UBR4: variants seen among roughly 807,000 people sequenced by gnomAD.
UBR4 encodes ubiquitin protein ligase E3 component n-recognin 4.
UBR4 carries 124 observed loss-of-function variants against 575.6 expected under a neutral mutation model. The ratio of observed to expected loss-of-function variants is 0.22; its 90% CI spans 0.19 to 0.25. The LOEUF (loss-of-function observed/expected upper bound fraction) is 0.25, where lower values mean the gene tolerates loss of function less well. UBR4 is among the 10% of genes least tolerant of loss of function. The probability of loss-of-function intolerance (pLI) is 1.00; values close to 1 mark genes in which losing one functional copy is unlikely to be tolerated. For synonymous variants in UBR4, 2,455 were observed against 2,473.7 expected (o/e 0.99, Z 0.22); for missense variants, 4,818 against 6,478.8 (o/e 0.74, Z 8.80).
chr1:19,182,770 C>A, intron 17 of UBR4, among the ~76,000 whole-genome samples: 1 of 152,056 alleles, frequency 6.6e-6, no homozygotes, highest in Non-Finnish European at 1.5e-5. Flanking sequence ...ATAGATGAAT[C>A]TTGGCAATAC....
At chr1:19,136,171 C>T (rs538988176) in intron 60 of UBR4, among the ~76,000 whole-genome samples, 3 of 152,174 alleles carry the variant, frequency 2.0e-5, no homozygotes, top group Non-Finnish European at 1.5e-5. Context: ...ATCAGAAAAC[C>T]TCCCTAAAGG....
rs749393083 is a variant in UBR4, at chr1:19,197,835, T to C, written c.752-24A>G. The C allele has an allele frequency of 2.5e-6, 4 of 1,613,474 alleles. No individual in the cohort carries two copies. In the African/African-American group the frequency reaches 5.3e-5, roughly 22 times the overall value. On this transcript the variant is annotated intron_variant, in intron 6 of 105. Transcript: ENST00000375254. ...ACCTAAATGAATGAAAACCACAACC[T>C]TACAAACAGGCCTTTGTCTGATGCT...
At chr1:19,155,310 A>G in intron 43 of UBR4, 131 bp downstream of exon 43, 1 of 1,116,750 alleles carries the variant, frequency 9.0e-7, no homozygotes, top group Non-Finnish European at 1.3e-6. Flanking sequence ...GGAAAAACAA[A>G]GAAAAAGAAA....
At chr1:19,147,706 C>T (rs982170188) in intron 51 of UBR4, among the ~76,000 whole-genome samples, 4 of 151,480 alleles carry the variant, frequency 2.6e-5, no homozygotes, top group Non-Finnish European at 5.9e-5. Flanking sequence ...CCTTTTCCAG[C>T]GAGAAGGCTA....
chr1:19,083,193 T>C (rs1232650079), intron 102 of UBR4, among the ~76,000 whole-genome samples: 1 of 152,116 alleles, frequency 6.6e-6, no homozygotes, highest in Non-Finnish European at 1.5e-5. Flanking sequence ...GCGCCATCAG[T>C]GCTGCCAGGT....
Position 19,076,886 on chromosome 1 carries a change from T to A in UBR4, c.15341A>T (p.Asn5114Ile). 1 of 1,576,598 alleles carries A rather than the reference T, an allele frequency of 6.3e-7. No homozygotes were observed. The highest frequency in any genetic ancestry group is 8.6e-7 in the Non-Finnish European group (1 of 1,163,436). ...YNMFKKVPTS[N>I]TEGGWSCSLA... ...AGAGCAGGACCAGCCTCCCTCTGTG[T>A]TACTGGTAGGCACCTTCTACGAGAA... The change falls in exon 105 of 106, where the codon AAC becomes ATC. Residue 5114 changes from asparagine (N) to isoleucine (I), a missense_variant. Physicochemically the swap from Asn to Ile is moderately radical, Grantham distance 149. Around this residue, in one of 29 missense-constraint regions of UBR4, gnomAD observed 212 missense variants for 221.3 expected, o/e 0.96. Coordinates refer to ENST00000375254, the MANE Select transcript of UBR4 (RefSeq NM_020765.3).
chr1:19,143,471 G>C (rs1323810611), intron 55 of UBR4, among the ~76,000 whole-genome samples: 1 of 152,126 alleles, frequency 6.6e-6, no homozygotes, highest in Non-Finnish European at 1.5e-5. Context: ...TGTGTATTGT[G>C]TATTGTGTAC....
chr1:19,113,864 C>G (rs756294067), intron 76 of UBR4, 37 bp from the exon 77 acceptor site: 1 of 1,614,166 alleles, frequency 6.2e-7, no homozygotes, highest in Non-Finnish European at 8.5e-7. Context: ...GGCTCCCCAC[C>G]TAAGGTGATC....
intron 71 of UBR4, 24 bp downstream of exon 71, chr1:19,118,848 G>C: frequency 1.2e-6 from 2 of 1,610,872 alleles, no homozygotes; most frequent in Non-Finnish European, 1.7e-6. Flanking sequence ...GCTTCCCACA[G>C]GTAGAAAGCA....
chr1:19,093,426 A>G lies in UBR4; in HGVS notation c.13998T>C (p.Ala4666=). The G allele has an allele frequency of 6.2e-7, 1 of 1,614,234 alleles. No individual in the cohort carries two copies. Among genetic ancestry groups the G allele is most frequent in the Non-Finnish European group, 8.5e-7 (1 of 1,180,036 alleles). The change falls in exon 96 of 106, where the codon GCT becomes GCC. Residue 4666 remains alanine (A), a synonymous_variant. Coordinates refer to ENST00000375254, the MANE Select transcript of UBR4 (RefSeq NM_020765.3). The surrounding 1 kb of genome is among the most constrained non-coding windows in gnomAD (Gnocchi z 4.8). The stretch of plus-strand genomic sequence containing the variant: ...CATTGCTGTTGTTCTTGATGCCAGC[A>G]GCTATTTTACAGAAGCAGTCCAGGA... ...KVFLDCFCKI[A]AGIKNNSNGH...
intron 25 of UBR4, 43 bp from the exon 26 acceptor site, chr1:19,170,926 T>G: frequency 6.2e-7 from 1 of 1,613,498 alleles, no homozygotes; most frequent in East Asian, 2.2e-5. Flanking sequence ...AAGATTCTAA[T>G]CCCACCAGTT....
At chr1:19,204,902 AG>A (rs1183374515) in intron 1 of UBR4, among the ~76,000 whole-genome samples, 1 of 152,230 alleles carries the variant, frequency 6.6e-6, no homozygotes, top group Non-Finnish European at 1.5e-5. Context: ...TCATGCCCTG[AG>A]AAAATGTTAA....
At position 19,113,617 on chromosome 1, in the gene UBR4, G is replaced by C. The variant is rs1392709881; in HGVS notation, c.11457+82C>G. ...AACACCAAGACCTGGACTGCTAGAT[G>C]AGAGAGCAGCAGGACTGCTGTGAAA... is the stretch of plus-strand genomic sequence containing the variant. On this transcript the variant is annotated intron_variant, in intron 77 of 105. Transcript: ENST00000375254. 6 of 1,573,020 alleles carry C rather than the reference G, an allele frequency of 3.8e-6. No individual in the cohort carries two copies. The African/African-American group carries it at 8.1e-5, about 21-fold the overall frequency.
At chr1:19,186,799 C>T (rs2091570018) in intron 13 of UBR4, 142 bp from the exon 14 acceptor site, 3 of 713,026 alleles carry the variant, frequency 4.2e-6, no homozygotes, top group Non-Finnish European at 6.8e-6. Flanking sequence ...GGACTTTCAT[C>T]ACTTTACCCT....
At chr1:19,160,838 A>G (rs995632452) in intron 38 of UBR4, 79 bp downstream of exon 38, 8 of 1,337,548 alleles carry the variant, frequency 6.0e-6, no homozygotes, top group Non-Finnish European at 8.5e-6. Context: ...AAGGGGAGCC[A>G]TGTGCATTAT....
At chr1:19,182,633 A>G (rs572430158) in intron 17 of UBR4, among the ~76,000 whole-genome samples, 2 of 152,314 alleles carry the variant, frequency 1.3e-5, no homozygotes, top group African/African-American at 2.4e-5. Context: ...ACCAACACTT[A>G]CTTTCCATTT....
rs2088146076 is a variant in UBR4, at chr1:19,165,289, A to G, written c.4272T>C (p.Cys1424=). ...TGGTGAAGAATTTCAAAACTCGGTT[A>G]CAGAATTTAGCAGAGAGGTTCTCAT... is the stretch of plus-strand genomic sequence containing the variant. ...TANENLSAKF[C]NRVLKFFTKL... is the part of the protein sequence containing the mutation. The change falls in exon 31 of 106, where the codon TGT becomes TGC. Residue 1424 remains cysteine, a synonymous_variant. Transcript: ENST00000375254. 1 of 1,614,252 alleles carries G rather than the reference A, an allele frequency of 6.2e-7. No individual in the cohort carries two copies. Among genetic ancestry groups the G allele is most frequent in the Non-Finnish European group, 8.5e-7 (1 of 1,180,034 alleles).
intron 22 of UBR4, 69 bp from the exon 23 acceptor site, chr1:19,173,690 C>G (rs1026804916): frequency 2.1e-6 from 3 of 1,458,802 alleles, no homozygotes; most frequent in Non-Finnish European, 2.8e-6. Context: ...ACAGTACGAA[C>G]TACTCCAAAT....
At chr1:19,149,710 G>T in intron 49 of UBR4, 1 of 1,274,222 alleles carries the variant, frequency 7.8e-7, no homozygotes, top group Non-Finnish European at 1.0e-6. Flanking sequence ...TTGGTTACAC[G>T]GCTCTCTGAC....
Sources: gnomAD v4.1 joint callset for allele counts (sites outside exome capture counted in the v4.1 genomes callset) on GRCh38, gnomAD v4.1.1 for gene constraint, gnomAD v4.1.1 regional missense constraint, Gnocchi (gnomAD v3.1) non-coding constraint, MANE v1.5 for transcripts, NCBI Gene and HGNC (gene_info 2026-07-23, HGNC 2026-07-21) for gene names.